TSHZ3: variants seen among roughly 807,000 people sequenced by gnomAD.
The protein encoded by TSHZ3 is teashirt homolog 3.
In TSHZ3, 10 loss-of-function variants were observed where a neutral mutation model predicts 64.5. The ratio of observed to expected loss-of-function variants is 0.16; its 90% CI spans 0.10 to 0.26. The LOEUF is 0.26. Among genes scored for constraint, TSHZ3 ranks in the 10% least tolerant of loss-of-function variants. The pLI, the probability that TSHZ3 is intolerant of heterozygous loss-of-function variation, is 1.00. For missense variants in TSHZ3, 1,242 were observed against 1,421.7 expected (o/e 0.87, Z 2.03); for synonymous variants, 608 against 593.1 (o/e 1.03, Z -0.36).
chr19:31,312,084 C>A (rs1916474288), intron 1 of TSHZ3, among the ~76,000 whole-genome samples: 2 of 152,166 alleles, frequency 1.3e-5, no homozygotes, highest in Admixed American at 1.3e-4. Context: ...TCAGTTTCCC[C>A]ATCTGTAAAA....
At chr19:31,187,048 T>A (rs1209802694) in intron 5 of TSHZ3, among the ~76,000 whole-genome samples, 2 of 152,106 alleles carry the variant, frequency 1.3e-5, no homozygotes, top group African/African-American at 4.8e-5. Flanking sequence ...TGAGTTCTTT[T>A]GGGGTACACT....
At chr19:31,290,511 A>T (rs1188653494) in intron 1 of TSHZ3, among the ~76,000 whole-genome samples, 1 of 151,962 alleles carries the variant, frequency 6.6e-6, no homozygotes, top group East Asian at 1.9e-4. Flanking sequence ...AAGCAGGGAG[A>T]AAAAAAGGGT....
At chr19:31,220,154 C>T (rs542636910) in intron 4 of TSHZ3, among the ~76,000 whole-genome samples, 1 of 152,292 alleles carries the variant, frequency 6.6e-6, no homozygotes, top group Admixed American at 6.5e-5. Context: ...TTAAGAGGAA[C>T]TATAACTATG....
At chr19:31,241,624 T>C (rs1975690834) in intron 3 of TSHZ3, among the ~76,000 whole-genome samples, 1 of 152,226 alleles carries the variant, frequency 6.6e-6, no homozygotes, top group African/African-American at 2.4e-5. Flanking sequence ...GATGCGCCAT[T>C]GTGCAGACTG....
chr19:31,293,396 T>C (rs1362345524), intron 1 of TSHZ3, among the ~76,000 whole-genome samples: 1 of 152,218 alleles, frequency 6.6e-6, no homozygotes, highest in Non-Finnish European at 1.5e-5. Flanking sequence ...CTTTACCTTC[T>C]ATGTTTTATT....
intron 1 of TSHZ3, among the ~76,000 whole-genome samples, chr19:31,248,553 C>T (rs987526800): frequency 6.6e-6 from 1 of 151,844 alleles, no homozygotes; most frequent in Admixed American, 6.5e-5. Flanking sequence ...CCCTGCCTGT[C>T]ATCCCAGCAC....
chr19:31,244,341 TG>T (rs1975732781), intron 1 of TSHZ3, among the ~76,000 whole-genome samples: 1 of 152,164 alleles, frequency 6.6e-6, no homozygotes, highest in Admixed American at 6.5e-5. Flanking sequence ...TAAGACATGC[TG>T]GCTTCCCCTT....
chr19:31,293,941 A>G (rs1285240616), intron 1 of TSHZ3, among the ~76,000 whole-genome samples: 1 of 152,174 alleles, frequency 6.6e-6, no homozygotes, highest in African/African-American at 2.4e-5. Context: ...CGGCTCTCGA[A>G]TGCTGGGCTG....
At chr19:31,292,525 G>C (rs565370331) in intron 1 of TSHZ3, among the ~76,000 whole-genome samples, 2 of 152,248 alleles carry the variant, frequency 1.3e-5, no homozygotes, top group Admixed American at 1.3e-4. Flanking sequence ...AATACTAAAA[G>C]AGCTATATCC....
At chr19:31,204,426 C>T (rs1975134615) in intron 5 of TSHZ3, among the ~76,000 whole-genome samples, 1 of 151,884 alleles carries the variant, frequency 6.6e-6, no homozygotes, top group Non-Finnish European at 1.5e-5. Context: ...CTACCTCCCT[C>T]TCTCCTTCTT....
intron 1 of TSHZ3, among the ~76,000 whole-genome samples, chr19:31,263,100 T>C (rs934346338): frequency 6.6e-6 from 1 of 152,016 alleles, no homozygotes; most frequent in African/African-American, 2.4e-5. Context: ...GACAGCATCG[T>C]GAAGGGTGGT....
intron 1 of TSHZ3, among the ~76,000 whole-genome samples, chr19:31,248,917 A>C (rs1482653654): frequency 6.6e-6 from 1 of 152,042 alleles, no homozygotes; most frequent in Non-Finnish European, 1.5e-5. Flanking sequence ...CTAAAACAGG[A>C]CTATTAATCC....
At chr19:31,309,324 A>C (rs906405566) in intron 1 of TSHZ3, among the ~76,000 whole-genome samples, 5 of 152,160 alleles carry the variant, frequency 3.3e-5, no homozygotes, top group African/African-American at 1.2e-4. Flanking sequence ...GTAGATTCGG[A>C]ATTCCTTGCC....
chr19:31,271,017 A>G (rs181222126), downstream of TSHZ3, among the ~76,000 whole-genome samples: 27 of 152,312 alleles, frequency 1.8e-4, no homozygotes, highest in East Asian at 3.9e-3. Context: ...TGACACCCCA[A>G]TGCTGAGCCT....
intron 1 of TSHZ3, among the ~76,000 whole-genome samples, chr19:31,329,602 C>T (rs1474107652): frequency 2.6e-5 from 4 of 152,178 alleles, no homozygotes; most frequent in Non-Finnish European, 4.4e-5. Context: ...TTAAATGGTG[C>T]TAATACAGTG....
intron 5 of TSHZ3, among the ~76,000 whole-genome samples, chr19:31,170,901 G>A (rs998484080): frequency 3.9e-5 from 6 of 152,192 alleles, no homozygotes; most frequent in Non-Finnish European, 7.3e-5. Flanking sequence ...TTCAGCAAGT[G>A]AGGCTAAAGT....
intron 1 of TSHZ3, among the ~76,000 whole-genome samples, chr19:31,259,007 G>A (rs185117952): frequency 6.6e-6 from 1 of 152,336 alleles, no homozygotes; most frequent in East Asian, 1.9e-4. Flanking sequence ...ACACATAGTT[G>A]GTGGTGTAAA....
chr19:31,344,880 A>G (rs935871652), intron 1 of TSHZ3, among the ~76,000 whole-genome samples: 2 of 152,176 alleles, frequency 1.3e-5, no homozygotes, highest in Non-Finnish European at 2.9e-5. Context: ...CGTGTGAGGC[A>G]ATTTAGGGAA....
intron 1 of TSHZ3, among the ~76,000 whole-genome samples, chr19:31,250,966 A>G (rs1223035866): frequency 6.6e-6 from 1 of 152,100 alleles, no homozygotes; most frequent in Non-Finnish European, 1.5e-5. Context: ...AGGGAGGGGC[A>G]GGCACACCAC....
Sources: allele counts gnomAD v4.1 joint callset (sites outside exome capture counted in the v4.1 genomes callset), GRCh38; gene constraint gnomAD v4.1.1; transcripts MANE v1.5; gene names NCBI Gene and HGNC (gene_info 2026-07-23, HGNC 2026-07-21).